DGLUCY: variants seen among roughly 807,000 people sequenced by gnomAD.
The protein encoded by DGLUCY is D-glutamate cyclase, also known as D-glutamate cyclase, mitochondrial.
A neutral mutation model predicts 58.5 loss-of-function variants in DGLUCY; 58 were observed. The ratio of observed to expected loss-of-function variants is 0.99; its 90% confidence interval spans 0.80 to 1.23. The LOEUF (loss-of-function observed/expected upper bound fraction) is 1.23. DGLUCY is among the 50% of genes most tolerant of loss of function. The probability of loss-of-function intolerance (pLI) is 0.00; values close to 1 mark genes in which losing one functional copy is unlikely to be tolerated. For missense variants in DGLUCY, 779 were observed against 784.7 expected, an observed-to-expected ratio of 0.99 and a Z score of 0.09; for synonymous variants, 325 against 314.1, an observed-to-expected ratio of 1.03 and a Z score of -0.37.
At chr14:91,183,916 T>C (rs1205330263) in intron 8 of DGLUCY, among the ~76,000 whole-genome samples, 1 of 152,092 alleles carries the variant, frequency 6.6e-6, no homozygotes, top group Non-Finnish European at 1.5e-5. Flanking sequence ...CTGGACCTTC[T>C]CATGGGCCGT....
intron 12 of DGLUCY, among the ~76,000 whole-genome samples, chr14:91,214,611 C>T (rs1231539717): frequency 6.6e-6 from 1 of 152,230 alleles, no homozygotes; most frequent in East Asian, 1.9e-4. Context: ...ATTGCCTAAA[C>T]CTTTTTTTCT....
intron 13 of DGLUCY, among the ~76,000 whole-genome samples, chr14:91,217,305 C>T (rs1026984848): frequency 2.6e-5 from 4 of 151,934 alleles, no homozygotes; most frequent in East Asian, 1.9e-4. Context: ...TGGGAGAGGG[C>T]GTGGAAGGTC....
At chr14:91,090,175 A>T (rs1287904571) in intron 1 of DGLUCY, among the ~76,000 whole-genome samples, 1 of 152,152 alleles carries the variant, frequency 6.6e-6, no homozygotes, top group South Asian at 2.1e-4. Flanking sequence ...CGCCACAGGG[A>T]GGAAAACACC....
intron 3 of DGLUCY, among the ~76,000 whole-genome samples, chr14:91,163,283 A>T (rs973770740): frequency 7.9e-5 from 12 of 151,878 alleles, no homozygotes; most frequent in African/African-American, 2.7e-4. Flanking sequence ...AAAAAAATCC[A>T]GTTTGTTCTC....
At chr14:91,081,601 T>C (rs1161021067) in intron 1 of DGLUCY, among the ~76,000 whole-genome samples, 1 of 152,212 alleles carries the variant, frequency 6.6e-6, no homozygotes. Flanking sequence ...GTGTTCCTAT[T>C]TGGAAGCTCT....
In DGLUCY at chr14:91,199,845, G is replaced by C. The variant is rs1340082143; in HGVS notation, c.1384G>C (p.Val462Leu). Reference protein sequence around the residue: ...NARKMNIKHLVDPIDDLFLAA... With the variant: ...NARKMNIKHLLDPIDDLFLAA... ...AAGGAAGATGAACATCAAGCACTTG[G>C]TTGACCCCATTGACGATCTTTTTCT... Residue 462 changes from valine (V) to leucine (L), a missense_variant, in exon 11 of 14, where the codon GTT becomes CTT. Physicochemically the swap from Val to Leu is conservative, Grantham distance 32. Coordinates refer to ENST00000256324, the MANE Select transcript of DGLUCY (RefSeq NM_001102368.3). The C allele has an allele frequency of 6.2e-7, 1 of 1,614,166 alleles. No individual in the cohort carries two copies. The highest frequency in any genetic ancestry group is 8.5e-7 in the Non-Finnish European group (1 of 1,180,030).
chr14:91,073,584 G>A (rs796158917), intron 1 of DGLUCY, among the ~76,000 whole-genome samples: 7 of 152,206 alleles, frequency 4.6e-5, no homozygotes, highest in African/African-American at 7.2e-5. Context: ...ATCCATCCCC[G>A]TCGGGATTAC....
At chr14:91,120,789 A>G (rs1200719071) in intron 1 of DGLUCY, among the ~76,000 whole-genome samples, 1 of 152,058 alleles carries the variant, frequency 6.6e-6, no homozygotes, top group Non-Finnish European at 1.5e-5. Context: ...TGGCAAGTCT[A>G]CCTCTTCCAG....
chr14:91,148,548 T>C (rs1398724937), intron 1 of DGLUCY: 3 of 151,988 alleles, frequency 2.0e-5, no homozygotes, highest in Admixed American at 6.6e-5. Flanking sequence ...CTCAATAACA[T>C]CATTAACTCA....
chr14:91,167,165 A>C, intron 3 of DGLUCY, 60 bp from the exon 4 acceptor site: 1 of 1,509,258 alleles, frequency 6.6e-7, no homozygotes, highest in Non-Finnish European at 8.8e-7. Context: ...AAAGAAAATC[A>C]GTAAGTGTCT....
intron 1 of DGLUCY, among the ~76,000 whole-genome samples, chr14:91,154,890 C>G (rs1419425164): frequency 6.6e-6 from 1 of 152,210 alleles, no homozygotes; most frequent in Admixed American, 6.5e-5. Flanking sequence ...GAGCCAGCCG[C>G]TGCTTTCCTT....
intron 1 of DGLUCY, among the ~76,000 whole-genome samples, chr14:91,121,071 C>A (rs1282660800): frequency 1.3e-5 from 2 of 152,172 alleles, no homozygotes; most frequent in Non-Finnish European, 2.9e-5. Flanking sequence ...GTGTGCCAAC[C>A]ACTCACACTG....
At chr14:91,158,596 G>C (rs918813892) in intron 2 of DGLUCY, among the ~76,000 whole-genome samples, 2 of 152,142 alleles carry the variant, frequency 1.3e-5, no homozygotes, top group African/African-American at 4.8e-5. Context: ...TCTTTAGATA[G>C]AATTGTGGAA....
intron 7 of DGLUCY, among the ~76,000 whole-genome samples, chr14:91,180,662 C>A (rs986192325): frequency 6.6e-5 from 10 of 151,756 alleles, no homozygotes. Flanking sequence ...AATAACTATG[C>A]TAGAGTGTTT....
chr14:91,138,306 A>G (rs1274116839), intron 1 of DGLUCY, among the ~76,000 whole-genome samples: 2 of 152,154 alleles, frequency 1.3e-5, no homozygotes. Flanking sequence ...AGCCTGACCA[A>G]CATGGAGAAA....
intron 1 of DGLUCY, among the ~76,000 whole-genome samples, chr14:91,150,374 G>A (rs2047257908): frequency 6.6e-6 from 1 of 152,094 alleles, no homozygotes; most frequent in Admixed American, 6.6e-5. Context: ...GTCTGGTGTG[G>A]TGCTTTTCAG....
At chr14:91,201,304 C>CTTT (rs35767480) in intron 11 of DGLUCY, among the ~76,000 whole-genome samples, 2 of 146,954 alleles carry the variant, frequency 1.4e-5, no homozygotes, top group African/African-American at 2.5e-5. Context: ...TGACAGGTAA[C>CTTT]TTTTTTTTTT....
chr14:91,160,790 T>C (rs1331668315), intron 3 of DGLUCY, among the ~76,000 whole-genome samples: 2 of 152,212 alleles, frequency 1.3e-5, no homozygotes, highest in Non-Finnish European at 2.9e-5. Flanking sequence ...TCTTATTCTC[T>C]GGTGGCACCC....
chr14:91,180,423 T>C (rs1877325911), intron 7 of DGLUCY, among the ~76,000 whole-genome samples: 1 of 151,328 alleles, frequency 6.6e-6, no homozygotes, highest in Non-Finnish European at 1.5e-5. Flanking sequence ...AATACTAAAA[T>C]TAGCCAGGCG....
Sources: allele counts gnomAD v4.1 joint callset (sites outside exome capture counted in the v4.1 genomes callset), GRCh38; gene constraint gnomAD v4.1.1; transcripts MANE v1.5; gene names NCBI Gene and HGNC (gene_info 2026-07-23, HGNC 2026-07-21).